Variants in SMOC2 observed in about 807,000 individuals in gnomAD.
The protein encoded by SMOC2 is SPARC-related modular calcium-binding protein 2.
In SMOC2, 39 loss-of-function variants were observed where a neutral mutation model predicts 61.4. That is an observed-to-expected ratio of 0.64 (90% CI 0.49 to 0.83). The LOEUF is 0.83. Ranked by LOEUF, SMOC2 falls within the 40% of genes least tolerant of loss-of-function variation. SMOC2 has a pLI of 0.00. For synonymous variants in SMOC2, 247 were observed against 239.9 expected, an observed-to-expected ratio of 1.03 and a Z score of -0.27; for missense variants, 556 against 592.9, an observed-to-expected ratio of 0.94 and a Z score of 0.65.
intron 7 of SMOC2, among the ~76,000 whole-genome samples, chr6:168,589,297 C>T (rs1785118676): frequency 6.6e-6 from 1 of 152,210 alleles, no homozygotes; most frequent in African/African-American, 2.4e-5. Context: ...TTATGCATTT[C>T]TTTAAAAACA....
chr6:168,556,582 T>G (rs1407642819), intron 7 of SMOC2, among the ~76,000 whole-genome samples: 3 of 146,758 alleles, frequency 2.0e-5, no homozygotes, highest in Non-Finnish European at 3.0e-5. Context: ...GCCCCCAAAA[T>G]GCGCCTTGGG....
intron 1 of SMOC2, among the ~76,000 whole-genome samples, chr6:168,466,084 C>G: frequency 7.3e-6 from 1 of 136,752 alleles, no homozygotes; most frequent in African/African-American, 2.8e-5. Context: ...AAGCGAGGTG[C>G]TGCTCTGAGA....
chr6:168,601,525 G>T (rs1015813839), intron 8 of SMOC2, among the ~76,000 whole-genome samples: 1 of 152,178 alleles, frequency 6.6e-6, no homozygotes, highest in Non-Finnish European at 1.5e-5. Flanking sequence ...TCTGTGCCTA[G>T]GTATAGAGGG....
At chr6:168,666,247 A>G (rs887796243) in intron 12 of SMOC2, among the ~76,000 whole-genome samples, 174 bp from the exon 13 acceptor site, 6 of 152,136 alleles carry the variant, frequency 3.9e-5, no homozygotes, top group African/African-American at 1.4e-4. Context: ...GAAACTGTTA[A>G]GAAGTTACCA....
intron 7 of SMOC2, among the ~76,000 whole-genome samples, chr6:168,595,149 TCTTTCTA>T (rs1158619427): frequency 0.013 from 1,750 of 130,324 alleles, 13 homozygotes; most frequent in African/African-American, 0.042. Context: ...ACAAGGGGCA[TCTTTCTA>T]GAGGATCGCC....
chr6:168,497,616 G>A (rs1375132463), intron 1 of SMOC2, among the ~76,000 whole-genome samples: 1 of 152,156 alleles, frequency 6.6e-6, no homozygotes, highest in Non-Finnish European at 1.5e-5. Context: ...CCTGCCCCCG[G>A]AACGTACCGT....
At chr6:168,600,610 A>G (rs80033783) in intron 8 of SMOC2, among the ~76,000 whole-genome samples, 1,590 of 152,248 alleles carry the variant, frequency 0.01, 30 homozygotes, top group African/African-American at 0.036. Flanking sequence ...TCTGGGACCC[A>G]GTGCCAGGGT....
intron 8 of SMOC2, among the ~76,000 whole-genome samples, chr6:168,603,695 G>T (rs1785613811): frequency 7.1e-6 from 1 of 140,740 alleles, no homozygotes. Flanking sequence ...GTGGTATAAT[G>T]TCAAATGCTC....
intron 9 of SMOC2, among the ~76,000 whole-genome samples, chr6:168,640,488 A>T (rs987185474): frequency 3.3e-4 from 51 of 152,322 alleles, no homozygotes; most frequent in African/African-American, 1.2e-3. Flanking sequence ...AGCGTTGCTG[A>T]TTGGCCCTTG....
intron 9 of SMOC2, among the ~76,000 whole-genome samples, chr6:168,612,136 T>C (rs1317597459): frequency 6.6e-6 from 1 of 152,244 alleles, no homozygotes; most frequent in Non-Finnish European, 1.5e-5. Context: ...GCAGCACTGG[T>C]CTTGAATGGG....
At chr6:168,639,848 C>G (rs1180662011) in intron 9 of SMOC2, among the ~76,000 whole-genome samples, 1 of 152,196 alleles carries the variant, frequency 6.6e-6, no homozygotes. Flanking sequence ...GCCCAGTTGC[C>G]GGTCCTGTTT....
At chr6:168,589,947 T>C (rs9346729) in intron 7 of SMOC2, among the ~76,000 whole-genome samples, 678 of 39,042 alleles carry the variant, frequency 0.017, 22 homozygotes, top group African/African-American at 0.022. Flanking sequence ...GGGCAGCCGG[T>C]CTGGTGGTGG....
chr6:168,503,408 C>T (rs1461916798), intron 1 of SMOC2, among the ~76,000 whole-genome samples: 1 of 152,078 alleles, frequency 6.6e-6, no homozygotes, highest in Non-Finnish European at 1.5e-5. Flanking sequence ...GAGCAGAGAG[C>T]ACTTACGTCA....
intron 1 of SMOC2, among the ~76,000 whole-genome samples, chr6:168,487,203 G>A (rs2115028716): frequency 6.6e-6 from 1 of 152,262 alleles, no homozygotes; most frequent in South Asian, 2.1e-4. Context: ...CCTCCACAGG[G>A]CCCCTTAAAA....
intron 1 of SMOC2, among the ~76,000 whole-genome samples, chr6:168,492,747 G>C (rs1583054874): frequency 6.6e-6 from 1 of 152,190 alleles, no homozygotes; most frequent in African/African-American, 2.4e-5. Context: ...GTGACCAGAG[G>C]CACATACCTG....
intron 11 of SMOC2, among the ~76,000 whole-genome samples, chr6:168,656,567 A>AC (rs1787330946): frequency 7.5e-6 from 1 of 133,800 alleles, no homozygotes; most frequent in Non-Finnish European, 1.7e-5. Context: ...AAAAAAAAAA[A>AC]CCCTCCCATG....
At chr6:168,626,016 G>A (rs1022032512) in intron 9 of SMOC2, among the ~76,000 whole-genome samples, 18 of 152,332 alleles carry the variant, frequency 1.2e-4, no homozygotes, top group Admixed American at 2.0e-4. Flanking sequence ...TGGTTAAGAC[G>A]AGAGCTGCCT....
chr6:168,506,875 A>G (rs1383507839), intron 1 of SMOC2, among the ~76,000 whole-genome samples: 1 of 152,266 alleles, frequency 6.6e-6, no homozygotes, highest in Non-Finnish European at 1.5e-5. Flanking sequence ...TCTTTGCAAT[A>G]GGAATATTTA....
intron 7 of SMOC2, among the ~76,000 whole-genome samples, chr6:168,586,799 T>C (rs1785055426): frequency 6.6e-6 from 1 of 152,202 alleles, no homozygotes; most frequent in South Asian, 2.1e-4. Flanking sequence ...TAGAAGTAGT[T>C]TTTGTAGATT....
Sources: gnomAD v4.1 joint callset for allele counts (sites outside exome capture counted in the v4.1 genomes callset) on GRCh38, gnomAD v4.1.1 for gene constraint, MANE v1.5 for transcripts, NCBI Gene and HGNC (gene_info 2026-07-23, HGNC 2026-07-21) for gene names.